Variants in HELLS observed in about 807,000 individuals in gnomAD.
The protein encoded by HELLS is helicase, lymphoid specific.
Under a neutral mutation model 120.0 loss-of-function variants are expected in HELLS, and 32 were observed. The ratio of observed to expected loss-of-function variants is 0.27; its 90% CI spans 0.20 to 0.36. The LOEUF is 0.36. HELLS is among the 10% of genes least tolerant of loss of function. The pLI, the probability that HELLS is intolerant of heterozygous loss-of-function variation, is 1.00. For missense variants in HELLS, 650 were observed against 993.4 expected (o/e 0.65, Z 4.65); for synonymous variants, 341 against 323.4 (o/e 1.05, Z -0.58).
At chr10:94,605,294 G>A (rs1003543655), downstream of HELLS, among the ~76,000 whole-genome samples, 9 of 152,124 alleles carry the variant, frequency 5.9e-5, no homozygotes, top group South Asian at 6.2e-4. Flanking sequence ...TGTTGGCCAC[G>A]CTGGTCTCGA....
chr10:94,554,086 A>C (rs1452751952), intron 2 of HELLS, 40 bp from the exon 3 acceptor site: 4 of 1,525,346 alleles, frequency 2.6e-6, no homozygotes, highest in Non-Finnish European at 3.5e-6. Flanking sequence ...AAGGTATGTC[A>C]GAAAGTGTTC....
intron 2 of HELLS, among the ~76,000 whole-genome samples, chr10:94,551,313 A>G (rs1842971324): frequency 2.0e-5 from 3 of 152,010 alleles, no homozygotes; most frequent in South Asian, 2.1e-4. Context: ...GCTCACACCT[A>G]TAATCCCAGC....
At chr10:94,573,149 AGTGT>A (rs34680800) in intron 7 of HELLS, among the ~76,000 whole-genome samples, 55,733 of 151,512 alleles carry the variant, frequency 0.37, 10,711 homozygotes, top group East Asian at 0.68. Flanking sequence ...TAGTAGAGAC[AGTGT>A]GTCACCATTT....
chr10:94,579,325 C>T lies in HELLS; in HGVS notation c.1033-2001C>T, dbSNP rs1007288506. On this transcript the variant is annotated intron_variant, in intron 10 of 21. Transcript: ENST00000348459. ...ACACCATTCTCCTGCCTCAGCCTGC[C>T]GAGTAGTTGGGACTACAGGTGCCCA... Among the ~76,000 whole-genome samples the T allele has an allele frequency of 4.0e-5, 6 of 150,992 alleles. No homozygotes were observed. The South Asian group carries it at 8.5e-4, about 21-fold the overall frequency.
intron 2 of HELLS, among the ~76,000 whole-genome samples, chr10:94,550,617 C>T (rs11188014): frequency 0.16 from 23,941 of 151,850 alleles, 2,215 homozygotes; most frequent in East Asian, 0.37. Flanking sequence ...TGGCCAGGCG[C>T]GGTGGCTCAT....
chr10:94,597,082 A>G lies in HELLS; in HGVS notation c.2393A>G (p.Glu798Gly). ...REKVISDKDLELLLDRSDLID... is the reference protein window; with the variant it reads ...REKVISDKDLGLLLDRSDLID... Reference sequence around the variant, plus strand: ...AAGGTCATTAGTGATAAAGATCTAGAGTTGTTGTTAGATCGAAGTGATCTT... The same window carrying G: ...AAGGTCATTAGTGATAAAGATCTAGGGTTGTTGTTAGATCGAAGTGATCTT... The change falls in exon 21 of 22, where the codon GAG becomes GGG. Residue 798 changes from glutamate to glycine, a missense_variant. Physicochemically the swap from Glu to Gly is moderately conservative, Grantham distance 98. Transcript: ENST00000348459. The G allele has an allele frequency of 6.3e-7, 1 of 1,598,862 alleles. No individual in the cohort carries two copies. The highest frequency in any genetic ancestry group is 8.6e-7 in the Non-Finnish European group (1 of 1,167,172).
At chr10:94,560,487 G>A (rs1289292949) in intron 4 of HELLS, among the ~76,000 whole-genome samples, 2 of 151,952 alleles carry the variant, frequency 1.3e-5, no homozygotes, top group African/African-American at 4.8e-5. Context: ...TTGAGGCAAG[G>A]AGTTCGAGAC....
chr10:94,554,954 G>A (rs746033672), intron 3 of HELLS, among the ~76,000 whole-genome samples: 22 of 152,006 alleles, frequency 1.4e-4, no homozygotes, highest in Non-Finnish European at 2.9e-4. Context: ...TTTGAGACCA[G>A]GCTGGGTAAT....
At chr10:94,552,461 T>C (rs1217947210) in intron 2 of HELLS, among the ~76,000 whole-genome samples, 1 of 152,236 alleles carries the variant, frequency 6.6e-6, no homozygotes, top group Non-Finnish European at 1.5e-5. Context: ...AAATCTGACT[T>C]CTCCAGTTTT....
chr10:94,594,587 A>G, intron 18 of HELLS, 108 bp from the exon 19 acceptor site: 1 of 701,636 alleles, frequency 1.4e-6, no homozygotes, highest in Non-Finnish European at 2.2e-6. Flanking sequence ...TTAAGACACC[A>G]CTATTTAAAA....
chr10:94,562,358 G>A (rs1466566273), intron 4 of HELLS, among the ~76,000 whole-genome samples: 1 of 152,074 alleles, frequency 6.6e-6, no homozygotes, highest in Non-Finnish European at 1.5e-5. Flanking sequence ...AGCCGAGATT[G>A]TACCAGTGCA....
intron 2 of HELLS, among the ~76,000 whole-genome samples, chr10:94,550,262 A>G (rs1842919786): frequency 6.7e-6 from 1 of 150,042 alleles, no homozygotes; most frequent in Non-Finnish European, 1.5e-5. Flanking sequence ...GCACCAGGCA[A>G]GTATTTAGGT....
chr10:94,547,798 A>G (rs2134264499), intron 2 of HELLS, among the ~76,000 whole-genome samples: 1 of 152,334 alleles, frequency 6.6e-6, no homozygotes. Flanking sequence ...CTAACATTCC[A>G]GTGTAGGCCA....
chr10:94,593,851 C>T (rs899446220), intron 18 of HELLS, among the ~76,000 whole-genome samples: 16 of 151,878 alleles, frequency 1.1e-4, no homozygotes, highest in Non-Finnish European at 2.1e-4. Flanking sequence ...TTAGTAGAGA[C>T]GGGGTTTTGC....
chr10:94,556,791 A>C (rs1381513744), intron 3 of HELLS, among the ~76,000 whole-genome samples: 2 of 151,816 alleles, frequency 1.3e-5, no homozygotes, highest in African/African-American at 4.8e-5. Context: ...TTAGTACTTT[A>C]TTTCTTGGAG....
At chr10:94,576,177 C>T (rs1844470839) in intron 9 of HELLS, among the ~76,000 whole-genome samples, 1 of 152,038 alleles carries the variant, frequency 6.6e-6, no homozygotes, top group Non-Finnish European at 1.5e-5. Context: ...GCAGTGGCGT[C>T]ATTCTGGCTC....
chr10:94,564,036 C>T lies in HELLS; in HGVS notation c.435+1160C>T, dbSNP rs1201921683. Among the ~76,000 whole-genome samples, 2 of 152,154 alleles carry T rather than the reference C, an allele frequency of 1.3e-5. 1 individual carries two copies. The highest frequency in any genetic ancestry group is 3.8e-4 in the East Asian group (2 of 5,198). On this transcript the variant is annotated intron_variant, in intron 6 of 21. Transcript: ENST00000348459. The stretch of plus-strand genomic sequence containing the variant: ...TGTTGCCCAGGCTGATCTTGAACTC[C>T]TGACCTCAGGGGATCCACCCGCCTT...
In HELLS at chr10:94,581,169, G is replaced by T. The variant is rs375323568; in HGVS notation, c.1033-157G>T. Among the ~76,000 whole-genome samples, 26 of 152,198 alleles carry T rather than the reference G, an allele frequency of 1.7e-4. 1 individual carries two copies. The highest frequency in any genetic ancestry group is 6.0e-4 in the African/African-American group (25 of 41,534). Reference sequence around the variant, plus strand: ...TCAGTTTTAGGAATCCTTGTAAGTGGATCAAATGAAAACATGATCATTTCA... The same window carrying T: ...TCAGTTTTAGGAATCCTTGTAAGTGTATCAAATGAAAACATGATCATTTCA... On this transcript the variant is annotated intron_variant, in intron 10 of 21. Transcript: ENST00000348459.
intron 9 of HELLS, among the ~76,000 whole-genome samples, chr10:94,575,148 G>A (rs556703746): frequency 7.3e-6 from 1 of 136,824 alleles, no homozygotes; most frequent in East Asian, 2.1e-4. Context: ...TACCCAGGCT[G>A]GAGGGCAGTG....
Sources: gnomAD v4.1 joint callset for allele counts (sites outside exome capture counted in the v4.1 genomes callset) on GRCh38, gnomAD v4.1.1 for gene constraint, MANE v1.5 for transcripts, NCBI Gene and HGNC (gene_info 2026-07-23, HGNC 2026-07-21) for gene names.